The following CERT1 variants were observed in gnomAD, a reference collection of about 807,000 sequenced individuals.
The protein encoded by CERT1 is ceramide transporter 1.
CERT1 carries 31 observed loss-of-function variants against 87.9 expected under a neutral mutation model. The ratio of observed to expected loss-of-function variants is 0.35; its 90% CI spans 0.27 to 0.48. The LOEUF (loss-of-function observed/expected upper bound fraction) is 0.48, where lower values mean the gene tolerates loss of function less well. Among genes scored for constraint, CERT1 ranks in the 20% least tolerant of loss-of-function variants. The probability of loss-of-function intolerance (pLI) is 0.99; values close to 1 mark genes in which losing one functional copy is unlikely to be tolerated. For synonymous variants in CERT1, 289 were observed against 250.9 expected, an observed-to-expected ratio of 1.15 and a Z score of -1.44; for missense variants, 487 against 758.0, an observed-to-expected ratio of 0.64 and a Z score of 4.20.
chr5:75,441,132 T>C (rs933127781), intron 3 of CERT1, among the ~76,000 whole-genome samples: 2 of 152,312 alleles, frequency 1.3e-5, no homozygotes, highest in African/African-American at 2.4e-5. Context: ...ACCACATATA[T>C]GATGGTGGTT....
At chr5:75,381,891 G>T (rs373903134) in intron 15 of CERT1, 58 bp downstream of exon 15, 1 of 1,471,122 alleles carries the variant, frequency 6.8e-7, no homozygotes. Context: ...TTTTTGTCCC[G>T]CATTGTGTAT....
intron 2 of CERT1, among the ~76,000 whole-genome samples, chr5:75,482,191 G>T (rs1766277235): frequency 6.6e-6 from 1 of 152,124 alleles, no homozygotes; most frequent in African/African-American, 2.4e-5. Context: ...ACCCTAAAAG[G>T]AGAGACCCAG....
rs747340106 is a variant in CERT1, at chr5:75,379,366, C to T, written c.1855G>A (p.Gly619Arg). 1 of 1,613,370 alleles carries T rather than the reference C, an allele frequency of 6.2e-7. No homozygotes were observed. The highest frequency in any genetic ancestry group is 1.7e-5 in the Admixed American group (1 of 59,920). The change falls in exon 17 of 17, where the codon GGA (glycine) becomes AGA (arginine). Residue 619 changes from glycine to arginine, a missense_variant. Physicochemically the swap from Gly to Arg is moderately radical, Grantham distance 125 (BLOSUM62 -2). Coordinates refer to ENST00000643780, the MANE Select transcript of CERT1 (RefSeq NM_001379029.1). ...TAATACTAGAACAAAATAGGCTTTC[C>T]TGCAGTTTTTTCTTGGACGTAAGAA... is the stretch of plus-strand genomic sequence containing the variant. ...FTSYVQEKTA[G>R]KPILF
chr5:75,401,911 T>C (rs1475665166), intron 9 of CERT1: 2 of 152,280 alleles, frequency 1.3e-5, no homozygotes, highest in Non-Finnish European at 2.9e-5. Context: ...GTAGCCACAG[T>C]TTATTAATAC....
chr5:75,438,164 T>C (rs928689753), intron 3 of CERT1, among the ~76,000 whole-genome samples: 1 of 152,192 alleles, frequency 6.6e-6, no homozygotes, highest in African/African-American at 2.4e-5. Context: ...TTATATGACA[T>C]GGCTCTCAAT....
At chr5:75,399,923 G>C (rs1164055312) in intron 10 of CERT1, among the ~76,000 whole-genome samples, 1 of 152,130 alleles carries the variant, frequency 6.6e-6, no homozygotes, top group Admixed American at 6.5e-5. Flanking sequence ...TGGATCACAA[G>C]GTCAGGAGAT....
At chr5:75,494,133 C>T (rs973118467) in intron 2 of CERT1, among the ~76,000 whole-genome samples, 1 of 152,204 alleles carries the variant, frequency 6.6e-6, no homozygotes, top group African/African-American at 2.4e-5. Context: ...CTTCATATGA[C>T]TGATAGTCCT....
At chr5:75,469,196 A>G (rs1327819018) in intron 2 of CERT1, among the ~76,000 whole-genome samples, 1 of 152,210 alleles carries the variant, frequency 6.6e-6, no homozygotes, top group East Asian at 1.9e-4. Context: ...AAAGAACATC[A>G]ATAGCAAAAT....
downstream of CERT1, chr5:75,377,116 C>T (rs2111971454): frequency 6.6e-6 from 1 of 152,186 alleles, no homozygotes; most frequent in African/African-American, 2.4e-5. Context: ...AGAAATAGTA[C>T]TATACAAAAG....
chr5:75,378,402 AAGAG>A lies in CERT1; in HGVS notation c.*940_*943del, dbSNP rs1201469564. ...ACCACTGCACTCCAGCCTGGGCAGC[AAGAG>A]AGAAACTTTGTCTCAACAACACCAA... On this transcript the variant is annotated 3_prime_UTR_variant, in exon 17 of 17. Coordinates refer to ENST00000643780, the MANE Select transcript of CERT1 (RefSeq NM_001379029.1). 6.6e-6 allele frequency: 1 copy of A among 152,276 alleles called. No individual in the cohort carries two copies. Among genetic ancestry groups the A allele is most frequent in the African/African-American group, 2.4e-5 (1 of 41,462 alleles). The allele number at this position is 152,276 out of a possible 1,614,324, so 9.4% of individuals were successfully genotyped here.
At chr5:75,503,881 TTTAAA>T (rs1430432479) in intron 2 of CERT1, among the ~76,000 whole-genome samples, 3 of 151,478 alleles carry the variant, frequency 2.0e-5, no homozygotes, top group African/African-American at 7.3e-5. Context: ...TTTTGTTTAA[TTTAAA>T]TTAAACATTT....
At chr5:75,462,733 G>A (rs1765289151) in intron 2 of CERT1, among the ~76,000 whole-genome samples, 2 of 152,116 alleles carry the variant, frequency 1.3e-5, no homozygotes, top group Non-Finnish European at 2.9e-5. Flanking sequence ...GATGGCCCAC[G>A]CCTGTAATCC....
chr5:75,497,832 T>C (rs576359606), intron 2 of CERT1, among the ~76,000 whole-genome samples: 10 of 152,142 alleles, frequency 6.6e-5, no homozygotes, highest in African/African-American at 2.2e-4. Flanking sequence ...GGTGCTGCTA[T>C]AAGGATACCC....
intron 2 of CERT1, among the ~76,000 whole-genome samples, chr5:75,472,932 T>C (rs971012330): frequency 2.0e-5 from 3 of 152,102 alleles, no homozygotes; most frequent in Admixed American, 6.5e-5. Flanking sequence ...GTAAATAAAA[T>C]CAGTATGTTG....
chr5:75,502,617 T>C (rs1767429120), intron 2 of CERT1, among the ~76,000 whole-genome samples: 1 of 152,088 alleles, frequency 6.6e-6, no homozygotes, highest in Non-Finnish European at 1.5e-5. Context: ...TATAAACAAA[T>C]CCTTGTATAG....
rs60898983 is a variant in CERT1 at position 75,393,602 on chromosome 5, T to TAAAAAAAAAAA, written c.1189-3926_1189-3916dup. 9.2e-4 allele frequency among the ~76,000 whole-genome samples: 30 copies of TAAAAAAAAAAA among 32,736 alleles called. 3 individuals carry two copies. Among genetic ancestry groups the TAAAAAAAAAAA allele is most frequent in the South Asian group, 2.3e-3 (1 of 438 alleles). The allele number at this position is 32,736 out of a possible 152,430, so 21.5% of individuals were successfully genotyped here. A position where few individuals can be genotyped will look rare whatever the true frequency, so the allele number is the denominator to read the frequency against. Reference sequence around the variant, plus strand: ...GCAACATAGCAAGACCTCATCTACTTAAAAAAAAAAAAAAAAAAAAAGAAA... The same window carrying TAAAAAAAAAAA: ...GCAACATAGCAAGACCTCATCTACTTAAAAAAAAAAAAAAAAAAAAAAAAAAAAAAAAGAAA... On this transcript the variant is annotated intron_variant, in intron 11 of 16. Coordinates refer to ENST00000643780, the MANE Select transcript of CERT1 (RefSeq NM_001379029.1).
Position 75,505,836 on chromosome 5 carries a change from T to A in CERT1, c.231+146A>T, listed in dbSNP as rs540743556. On this transcript the variant is annotated intron_variant, in intron 2 of 16. Coordinates refer to ENST00000643780, the MANE Select transcript of CERT1 (RefSeq NM_001379029.1). ...AGTAAAAACCACAGTAAAATCACTTTATGGAAAAAAGTATTAGAATGTATA... is the reference window on the plus strand; with the variant it reads ...AGTAAAAACCACAGTAAAATCACTTAATGGAAAAAAGTATTAGAATGTATA... 3.5e-5 allele frequency: 19 copies of A among 538,420 alleles called. No individual in the cohort carries two copies. The Middle Eastern group carries it at 1.0e-3, about 29-fold the overall frequency. 33.4% of individuals were successfully genotyped at this position (538,420 alleles called of 1,614,324 possible).
At chr5:75,493,639 A>G (rs998075762) in intron 2 of CERT1, among the ~76,000 whole-genome samples, 8 of 152,188 alleles carry the variant, frequency 5.3e-5, no homozygotes, top group East Asian at 1.9e-4. Context: ...TGTCTTTAAC[A>G]TGAGTCTTTT....
intron 2 of CERT1, among the ~76,000 whole-genome samples, chr5:75,500,396 T>C (rs373106132): frequency 6.6e-6 from 1 of 152,190 alleles, no homozygotes; most frequent in East Asian, 1.9e-4. Context: ...TTTCAACAGG[T>C]GCCCTTTTTC....
Sources: gnomAD v4.1 joint callset for allele counts (sites outside exome capture counted in the v4.1 genomes callset) on GRCh38, gnomAD v4.1.1 for gene constraint, MANE v1.5 for transcripts, NCBI Gene and HGNC (gene_info 2026-07-23, HGNC 2026-07-21) for gene names.